The following MLLT6 variants were observed in gnomAD, a reference collection of about 807,000 sequenced individuals.
The protein encoded by MLLT6 is protein AF-17.
In MLLT6, 22 loss-of-function variants were observed where a neutral mutation model predicts 103.0. That is an observed-to-expected ratio of 0.21 (90% confidence interval 0.15 to 0.31). MLLT6 has a LOEUF of 0.31. Ranked by LOEUF, MLLT6 falls within the 10% of genes least tolerant of loss-of-function variation. The pLI is 1.00. For missense variants in MLLT6, 1,199 were observed against 1,441.7 expected, an observed-to-expected ratio of 0.83 and a Z score of 2.73; for synonymous variants, 606 against 623.5, an observed-to-expected ratio of 0.97 and a Z score of 0.42.
chr17:38,720,061 C>A (rs1287679228), intron 14 of MLLT6, among the ~76,000 whole-genome samples, 166 bp downstream of exon 14: 4 of 152,142 alleles, frequency 2.6e-5, no homozygotes, highest in Admixed American at 1.3e-4. Flanking sequence ...GCCACACGAC[C>A]GGCCCTGGTC....
At position 38,715,778 on chromosome 17, in the gene MLLT6, C is replaced by T. The variant is rs747903764; in HGVS notation, c.986C>T (p.Ser329Phe). ...KGVSSFTSAS[S>F]SSSSSSSSSG... The stretch of plus-strand genomic sequence containing the variant: ...GTGAGCAGTTTTACCTCCGCCTCCT[C>T]TTCTTCCTCCTCCTCTTCCTCCTCC... Residue 329 changes from serine (S) to phenylalanine (F), a missense_variant, in exon 9 of 20, where the codon TCT becomes TTT. This residue lies in a region of MLLT6 where 1,034 missense variants were observed against 1,091.5 expected (regional missense o/e 0.95). Coordinates refer to ENST00000621332, the MANE Select transcript of MLLT6 (RefSeq NM_005937.4). 2 of 1,611,928 alleles carry T rather than the reference C, an allele frequency of 1.2e-6. No homozygotes were observed. Among genetic ancestry groups the T allele is most frequent in the South Asian group, 2.2e-5 (2 of 90,560 alleles).
At chr17:38,723,819 T>G (rs1362023458) in intron 18 of MLLT6, among the ~76,000 whole-genome samples, 3 of 151,120 alleles carry the variant, frequency 2.0e-5, no homozygotes, top group African/African-American at 7.3e-5. Context: ...ATCGGCTCAC[T>G]GCAACCTCCG....
intron 2 of MLLT6, 121 bp downstream of exon 2, chr17:38,707,150 TC>T (rs1185051572): frequency 1.0e-5 from 8 of 766,068 alleles, no homozygotes; most frequent in Non-Finnish European, 1.7e-5. Context: ...CACACAGACT[TC>T]CTGTTTCCTG....
At chr17:38,715,188 GCACC>G in intron 8 of MLLT6, 1 of 163,552 alleles carries the variant, frequency 6.1e-6, no homozygotes, top group South Asian at 1.8e-4. Context: ...CTCCAGGATG[GCACC>G]AGAGAAGCCC....
intron 18 of MLLT6, among the ~76,000 whole-genome samples, chr17:38,723,601 A>C (rs1292172361): frequency 6.6e-6 from 1 of 152,226 alleles, no homozygotes; most frequent in East Asian, 1.9e-4. Context: ...AGATGGGAGC[A>C]AGAGGAGTAA....
In MLLT6 at chr17:38,712,030, C is replaced by T. The variant is rs539272926; in HGVS notation, c.720+16C>T. 2 of 1,532,580 alleles carry T rather than the reference C, an allele frequency of 1.3e-6. No individual in the cohort carries two copies. The highest frequency in any genetic ancestry group is 1.4e-5 in the African/African-American group (1 of 72,316). The allele number at this position is 1,532,580 out of a possible 1,614,324, so 94.9% of individuals were successfully genotyped here. ...CCAGAAGAAGGTAGAAGTCCTCCCC[C>T]ACCTGCCATCACTCCCACACGGGGA... On this transcript the variant is annotated intron_variant, in intron 7 of 19. Transcript: ENST00000621332.
chr17:38,721,175 C>T (rs1175243142), intron 16 of MLLT6: 4 of 205,114 alleles, frequency 2.0e-5, no homozygotes, highest in South Asian at 8.1e-5. Context: ...TAACTGGTGG[C>T]GGTTCGAATA....
intron 16 of MLLT6, chr17:38,721,305 A>G (rs1905721170): frequency 6.0e-6 from 1 of 167,288 alleles, no homozygotes; most frequent in Admixed American, 5.5e-5. Flanking sequence ...ACCAGCATTA[A>G]TTGCACACTT....
chr17:38,705,440 G>T lies in MLLT6; in HGVS notation c.-193G>T, dbSNP rs1215112768. On this transcript the variant is annotated 5_prime_UTR_variant, in exon 1 of 20. Coordinates refer to ENST00000621332, the MANE Select transcript of MLLT6 (RefSeq NM_005937.4). ...GCACGGCGGGGGGGGCGGCCAGACA[G>T]AGCGAGCGAGGAGGAGGAGGAGGAG... 7.2e-6 allele frequency: 3 copies of T among 416,310 alleles called. No homozygotes were observed. The highest frequency in any genetic ancestry group is 1.3e-5 in the Non-Finnish European group (3 of 229,142). The allele number at this position is 416,310 out of a possible 1,614,324, so 25.8% of individuals were successfully genotyped here. A position where few individuals can be genotyped will look rare whatever the true frequency, so the allele number is the denominator to read the frequency against.
Position 38,711,988 on chromosome 17 carries a change from A to C in MLLT6, c.694A>C (p.Thr232Pro), listed in dbSNP as rs748489787. ...SPSTQQEKHPTHHERGQKKSR... is the reference protein window; with the variant it reads ...SPSTQQEKHPPHHERGQKKSR... ...ATCCACGCAGCAGGAGAAGCACCCC[A>C]CCCACCACGAGAGGGGCCAGAAGAA... The change falls in exon 7 of 20, where the codon ACC becomes CCC. Residue 232 changes from threonine (T) to proline (P), a missense_variant. Physicochemically the swap from Thr to Pro is conservative, Grantham distance 38. This residue lies in a region of MLLT6 where 1,034 missense variants were observed against 1,091.5 expected (regional missense o/e 0.95). Coordinates refer to ENST00000621332, the MANE Select transcript of MLLT6 (RefSeq NM_005937.4). 2.5e-6 allele frequency: 4 copies of C among 1,596,660 alleles called. No individual in the cohort carries two copies. In the Admixed American group the frequency reaches 6.9e-5, roughly 28 times the overall value.
At chr17:38,711,699 C>CAG (rs1905145493) in intron 6 of MLLT6, 148 bp from the exon 7 acceptor site, 2 of 986,266 alleles carry the variant, frequency 2.0e-6, no homozygotes, top group South Asian at 2.2e-5. Flanking sequence ...TTCTGCTGAG[C>CAG]AGAGCATCAT....
intron 16 of MLLT6, 60 bp downstream of exon 16, chr17:38,720,807 A>G (rs1343153226): frequency 1.4e-6 from 2 of 1,456,250 alleles, no homozygotes; most frequent in South Asian, 1.1e-5. Flanking sequence ...TCCTGGTCCC[A>G]TCTCTTCCCC....
Position 38,705,381 on chromosome 17 carries a change from TG to T in MLLT6, c.-251del, listed in dbSNP as rs1387732549. Among the ~76,000 whole-genome samples, 1 of 113,514 alleles carries T rather than the reference TG, an allele frequency of 8.8e-6. No individual in the cohort carries two copies. Among genetic ancestry groups the T allele is most frequent in the African/African-American group, 3.0e-5 (1 of 33,678 alleles). 74.5% of individuals were successfully genotyped at this position (113,514 alleles called of 152,430 possible). A position where few individuals can be genotyped will look rare whatever the true frequency, so the allele number is the denominator to read the frequency against. On this transcript the variant is annotated 5_prime_UTR_variant, in exon 1 of 20. Coordinates refer to ENST00000621332, the MANE Select transcript of MLLT6 (RefSeq NM_005937.4). ...GAGCCCGGCGTGCGAGTCTCATTGT[TG>T]TGGGGGGGGCCCGTCGGGGCATGAG...
chr17:38,720,605 G>A, intron 15 of MLLT6, 36 bp downstream of exon 15: 1 of 1,612,822 alleles, frequency 6.2e-7, no homozygotes, highest in Non-Finnish European at 8.5e-7. Context: ...AGAGAGGCCC[G>A]TGCCCTGAAG....
chr17:38,709,406 G>A lies in MLLT6; in HGVS notation c.459-76G>A, dbSNP rs558778781. 1.7e-5 allele frequency: 24 copies of A among 1,450,556 alleles called. No individual in the cohort carries two copies. The South Asian group carries it at 1.7e-4, about 10-fold the overall frequency. The allele number at this position is 1,450,556 out of a possible 1,614,324, so 89.9% of individuals were successfully genotyped here. A position where few individuals can be genotyped will look rare whatever the true frequency, so the allele number is the denominator to read the frequency against. Reference sequence around the variant, plus strand: ...GATGGTCTTGGCTTCGCCTCAGCAGGGGGCCAGGAGGGTGAGAGGAAGGTG... The same window carrying A: ...GATGGTCTTGGCTTCGCCTCAGCAGAGGGCCAGGAGGGTGAGAGGAAGGTG... On this transcript the variant is annotated intron_variant, in intron 5 of 19. Transcript: ENST00000621332. The surrounding 1 kb of genome is among the most constrained non-coding windows in gnomAD (Gnocchi z 4.3).
At position 38,709,299 on chromosome 17, in the gene MLLT6, C is replaced by T. The variant is rs1212828741; in HGVS notation, c.458+23C>T. 5.0e-6 allele frequency: 8 copies of T among 1,597,114 alleles called. No individual in the cohort carries two copies. The highest frequency in any genetic ancestry group is 6.9e-6 in the Non-Finnish European group (8 of 1,164,578). On this transcript the variant is annotated intron_variant, in intron 5 of 19. Coordinates refer to ENST00000621332, the MANE Select transcript of MLLT6 (RefSeq NM_005937.4). This position sits in a 1 kb window ranked among gnomAD's most constrained non-coding sequence, Gnocchi z 4.3. ...CTGGTGAGACCCCTGTCCCACCCCC[C>T]TGCCCCCCGGGTTTGTCCTGGATGG...
rs974404787 is a variant in MLLT6 at position 38,711,932 on chromosome 17, T to C, written c.638T>C (p.Ile213Thr). 4.4e-6 allele frequency: 7 copies of C among 1,609,048 alleles called. No individual in the cohort carries two copies. In the African/African-American group the frequency reaches 6.7e-5, roughly 15 times the overall value. ...ATGGGGGGAGGTGGCAGTGGTTTCATCTCTGGGAGGAGAAGCCGGTCAGCC... is the reference window on the plus strand; with the variant it reads ...ATGGGGGGAGGTGGCAGTGGTTTCACCTCTGGGAGGAGAAGCCGGTCAGCC... The part of the protein sequence containing the change: ...GSMGGGGSGF[I>T]SGRRSRSASP... Residue 213 changes from isoleucine (I) to threonine (T), a missense_variant, in exon 7 of 20, where the codon ATC becomes ACC. Coordinates refer to ENST00000621332, the MANE Select transcript of MLLT6 (RefSeq NM_005937.4).
At position 38,726,671 on chromosome 17, in the gene MLLT6, C is replaced by G; in HGVS notation, c.*1073C>G. ...CCTGACCCCACATGGTCTCAGGGCCCCCTTAGGGCCCCCTACCCCACTGAT... is the reference window on the plus strand; with the variant it reads ...CCTGACCCCACATGGTCTCAGGGCCGCCTTAGGGCCCCCTACCCCACTGAT... On this transcript the variant is annotated 3_prime_UTR_variant, in exon 20 of 20. Coordinates refer to ENST00000621332, the MANE Select transcript of MLLT6 (RefSeq NM_005937.4). 2 of 233,572 alleles carry G rather than the reference C, an allele frequency of 8.6e-6. No homozygotes were observed. The highest frequency in any genetic ancestry group is 1.7e-5 in the Non-Finnish European group (2 of 118,004). 14.5% of individuals were successfully genotyped at this position (233,572 alleles called of 1,614,324 possible).
intron 18 of MLLT6, among the ~76,000 whole-genome samples, chr17:38,723,988 C>T (rs1905891679): frequency 6.6e-6 from 1 of 152,014 alleles, no homozygotes; most frequent in Admixed American, 6.5e-5. Context: ...AGTGATCCAC[C>T]GGCCTCAGCC....
Sources: gnomAD v4.1 joint callset for allele counts (sites outside exome capture counted in the v4.1 genomes callset) on GRCh38, gnomAD v4.1.1 for gene constraint, gnomAD v4.1.1 regional missense constraint, Gnocchi (gnomAD v3.1) non-coding constraint, MANE v1.5 for transcripts, NCBI Gene and HGNC (gene_info 2026-07-23, HGNC 2026-07-21) for gene names.